ZBTB20: variants seen among roughly 807,000 people sequenced by gnomAD.
ZBTB20 encodes the protein zinc finger and BTB domain containing 20, also known as zinc finger and BTB domain-containing protein 20.
In ZBTB20, 9 loss-of-function variants were observed where a neutral mutation model predicts 56.9. The ratio of observed to expected loss-of-function variants is 0.16; its 90% CI spans 0.10 to 0.28. The LOEUF (loss-of-function observed/expected upper bound fraction) is 0.28, where lower values mean the gene tolerates loss of function less well. Ranked by LOEUF, ZBTB20 falls within the 10% of genes least tolerant of loss-of-function variation. The probability of loss-of-function intolerance (pLI) is 1.00; values close to 1 mark genes in which losing one functional copy is unlikely to be tolerated. For missense variants in ZBTB20, 655 were observed against 1,003.0 expected, an observed-to-expected ratio of 0.65 and a Z score of 4.69; for synonymous variants, 417 against 420.7, an observed-to-expected ratio of 0.99 and a Z score of 0.11.
chr3:114,948,507 CTG>C (rs1397215918), intron 3 of ZBTB20, among the ~76,000 whole-genome samples: 1 of 145,896 alleles, frequency 6.9e-6, no homozygotes, highest in Non-Finnish European at 1.5e-5. Context: ...GAAAACATGA[CTG>C]TGTTATAAAA....
chr3:114,677,576 G>A (rs1416747286), intron 6 of ZBTB20, among the ~76,000 whole-genome samples: 8 of 152,174 alleles, frequency 5.3e-5, no homozygotes, highest in Non-Finnish European at 1.0e-4. Context: ...CACACCTCCA[G>A]TCCATGGAAA....
At chr3:114,656,419 T>C (rs566125669) in intron 6 of ZBTB20, among the ~76,000 whole-genome samples, 1 of 152,360 alleles carries the variant, frequency 6.6e-6, no homozygotes, top group South Asian at 2.1e-4. Context: ...TCAGATTCTG[T>C]ACTTTAACCT....
chr3:114,704,747 G>A (rs1184650547), intron 5 of ZBTB20, among the ~76,000 whole-genome samples: 1 of 152,124 alleles, frequency 6.6e-6, no homozygotes, highest in Non-Finnish European at 1.5e-5. Context: ...AGATACTAAG[G>A]TGAACAGCAA....
chr3:114,872,408 T>C (rs2076048560), intron 4 of ZBTB20, among the ~76,000 whole-genome samples: 2 of 152,116 alleles, frequency 1.3e-5, no homozygotes, highest in African/African-American at 4.8e-5. Flanking sequence ...CAAGATTATG[T>C]TACATATGAT....
Position 114,844,330 on chromosome 3 carries a change from A to AATATATATATAT in ZBTB20, c.-416-43168_-416-43157dup, listed in dbSNP as rs71146341. 7.8e-3 allele frequency among the ~76,000 whole-genome samples: 770 copies of AATATATATATAT among 99,002 alleles called. 24 individuals carry two copies. The highest frequency in any genetic ancestry group is 0.013 in the African/African-American group (224 of 16,710). The allele number at this position is 99,002 out of a possible 152,430, so 64.9% of individuals were successfully genotyped here. A position where few individuals can be genotyped will look rare whatever the true frequency, so the allele number is the denominator to read the frequency against. On this transcript the variant is annotated intron_variant, in intron 4 of 11. Transcript: ENST00000675478. ...GTTGCATAAGAAAATTACTGGAGTA[A>AATATATATATAT]ATATATATATATATATATATATATA...
intron 6 of ZBTB20, among the ~76,000 whole-genome samples, chr3:114,531,054 G>A (rs1022369648): frequency 1.1e-4 from 16 of 152,166 alleles, no homozygotes; most frequent in African/African-American, 3.6e-4. Context: ...CCCGACTCTT[G>A]ATCTTTAGCC....
At chr3:114,719,184 G>T (rs553974066) in intron 5 of ZBTB20, among the ~76,000 whole-genome samples, 1 of 144,942 alleles carries the variant, frequency 6.9e-6, no homozygotes, top group South Asian at 2.4e-4. Flanking sequence ...AGTCCAGGGG[G>T]TTGTGCAGGG....
At chr3:114,766,228 C>A (rs1016025635) in intron 5 of ZBTB20, among the ~76,000 whole-genome samples, 4 of 151,926 alleles carry the variant, frequency 2.6e-5, no homozygotes, top group African/African-American at 9.7e-5. Flanking sequence ...GGGGCAGAAA[C>A]AACAGCAGAG....
chr3:114,921,013 T>G (rs1165507520), intron 3 of ZBTB20, among the ~76,000 whole-genome samples: 2 of 152,118 alleles, frequency 1.3e-5, no homozygotes, highest in African/African-American at 4.8e-5. Flanking sequence ...TAGAAACATA[T>G]AAGATGCAAA....
At chr3:114,548,435 A>AC (rs2050158397) in intron 6 of ZBTB20, among the ~76,000 whole-genome samples, 1 of 152,186 alleles carries the variant, frequency 6.6e-6, no homozygotes, top group Non-Finnish European at 1.5e-5. Flanking sequence ...TCTCAGAATT[A>AC]CATTCATCTA....
intron 6 of ZBTB20, among the ~76,000 whole-genome samples, chr3:114,587,228 T>C (rs1382396308): frequency 6.6e-6 from 1 of 151,940 alleles, no homozygotes; most frequent in African/African-American, 2.4e-5. Context: ...AACTCCTGAC[T>C]ACAGGTGATC....
intron 6 of ZBTB20, among the ~76,000 whole-genome samples, chr3:114,672,671 T>C (rs1168065909): frequency 2.0e-5 from 3 of 152,194 alleles, no homozygotes; most frequent in East Asian, 1.9e-4. Flanking sequence ...TCCTGTTGTA[T>C]TGGCTTCTCT....
chr3:114,766,439 A>G (rs1261269145), intron 5 of ZBTB20, among the ~76,000 whole-genome samples: 1 of 151,864 alleles, frequency 6.6e-6, no homozygotes, highest in Non-Finnish European at 1.5e-5. Flanking sequence ...TGCATGAATA[A>G]GAGACTGTAC....
chr3:114,683,037 AT>A (rs1018910108), intron 6 of ZBTB20, among the ~76,000 whole-genome samples: 2 of 151,792 alleles, frequency 1.3e-5, no homozygotes, highest in South Asian at 2.1e-4. Context: ...AAAAGAAGGA[AT>A]TTTTTTTTCA....
At chr3:114,999,720 A>G (rs1417100236) in intron 2 of ZBTB20, among the ~76,000 whole-genome samples, 1 of 151,586 alleles carries the variant, frequency 6.6e-6, no homozygotes, top group Non-Finnish European at 1.5e-5. Flanking sequence ...AAGAGTTTCA[A>G]GCTACATTTA....
intron 7 of ZBTB20, among the ~76,000 whole-genome samples, chr3:114,450,186 A>T (rs1242476954): frequency 6.6e-6 from 1 of 152,196 alleles, no homozygotes; most frequent in Non-Finnish European, 1.5e-5. Context: ...CAACAGCCTT[A>T]CCTGTGGCCA....
At chr3:114,644,513 C>A (rs2059734777) in intron 6 of ZBTB20, among the ~76,000 whole-genome samples, 1 of 152,110 alleles carries the variant, frequency 6.6e-6, no homozygotes, top group African/African-American at 2.4e-5. Context: ...CTCAGCATTA[C>A]TAATCATCAG....
chr3:115,065,649 A>C (rs1209446982), intron 2 of ZBTB20, among the ~76,000 whole-genome samples: 1 of 152,174 alleles, frequency 6.6e-6, no homozygotes, highest in Non-Finnish European at 1.5e-5. Flanking sequence ...TAGAGCTATA[A>C]TCATGCTATT....
chr3:114,847,117 C>T (rs1482746549), intron 4 of ZBTB20, among the ~76,000 whole-genome samples: 1 of 152,112 alleles, frequency 6.6e-6, no homozygotes, highest in African/African-American at 2.4e-5. Context: ...CAATTAATAG[C>T]TTCATCATGT....
Sources: gnomAD v4.1 joint callset for allele counts (sites outside exome capture counted in the v4.1 genomes callset) on GRCh38, gnomAD v4.1.1 for gene constraint, MANE v1.5 for transcripts, NCBI Gene and HGNC (gene_info 2026-07-23, HGNC 2026-07-21) for gene names.